PRKN: variants seen among roughly 807,000 people sequenced by gnomAD.
PRKN encodes the protein parkin RBR E3 ubiquitin protein ligase, also known as E3 ubiquitin-protein ligase parkin.
A neutral mutation model predicts 59.5 loss-of-function variants in PRKN; 56 were observed. The ratio of observed to expected loss-of-function variants is 0.94; its 90% CI spans 0.76 to 1.18. The LOEUF is 1.18. Ranked by LOEUF, PRKN falls within the 50% of genes most tolerant of loss-of-function variation. The pLI, the probability that PRKN is intolerant of heterozygous loss-of-function variation, is 0.00. For missense variants in PRKN, 657 were observed against 596.4 expected (o/e 1.10, Z -1.06); for synonymous variants, 250 against 222.1 (o/e 1.13, Z -1.12).
At position 161,454,212 on chromosome 6, in the gene PRKN, G is replaced by A. The variant is rs1789867033; in HGVS notation, c.1084-67335C>T. Among the ~76,000 whole-genome samples the A allele has an allele frequency of 6.6e-6, 1 of 152,128 alleles. No homozygotes were observed. The highest frequency in any genetic ancestry group is 2.4e-5 in the African/African-American group (1 of 41,424). ...CTTGGGTCACAGAACGGCAGCATGG[G>A]TTCTATAGGTCGGGGTGGCATTAGC... On this transcript the variant is annotated intron_variant, in intron 9 of 11. Coordinates refer to ENST00000366898, the MANE Select transcript of PRKN (RefSeq NM_004562.3). This position sits in a 1 kb window ranked among gnomAD's most constrained non-coding sequence, Gnocchi z 4.6.
chr6:162,662,572 T>G (rs1311067062), intron 1 of PRKN, among the ~76,000 whole-genome samples: 1 of 152,184 alleles, frequency 6.6e-6, no homozygotes, highest in Non-Finnish European at 1.5e-5. Flanking sequence ...ATTTAAATCT[T>G]CAATCAACCT....
chr6:162,299,937 C>T (rs1781865805), intron 2 of PRKN, among the ~76,000 whole-genome samples: 1 of 152,138 alleles, frequency 6.6e-6, no homozygotes, highest in South Asian at 2.1e-4. Context: ...TCATTTCATA[C>T]TTATATAAAA....
rs895913408 is a variant in PRKN, at chr6:161,401,900, T to C, written c.1084-15023A>G. On this transcript the variant is annotated intron_variant, in intron 9 of 11. Transcript: ENST00000366898. The surrounding 1 kb of genome is among the most constrained non-coding windows in gnomAD (Gnocchi z 4.4). ...GAGATCCAGAGGTCTGAGATGTTTG[T>C]TCACACACCAATCTCTGGAGCGGAA... Among the ~76,000 whole-genome samples the C allele has an allele frequency of 6.6e-6, 1 of 152,170 alleles. No individual in the cohort carries two copies. The highest frequency in any genetic ancestry group is 2.4e-5 in the African/African-American group (1 of 41,430).
intron 7 of PRKN, among the ~76,000 whole-genome samples, chr6:161,602,864 T>G (rs1272007207): frequency 6.6e-6 from 1 of 152,164 alleles, no homozygotes; most frequent in Admixed American, 6.5e-5. Context: ...ATCCTTGCCC[T>G]CAAAGAGCCC....
intron 6 of PRKN, among the ~76,000 whole-genome samples, chr6:161,959,727 T>C (rs868773818): frequency 1.3e-5 from 2 of 152,178 alleles, no homozygotes; most frequent in South Asian, 4.1e-4. Context: ...ATTTATGACA[T>C]ATATTTCCCG....
intron 2 of PRKN, among the ~76,000 whole-genome samples, chr6:162,301,589 G>T (rs1348750403): frequency 6.6e-6 from 1 of 152,036 alleles, no homozygotes; most frequent in Non-Finnish European, 1.5e-5. Context: ...TTGTCTTGCT[G>T]TGTCCTCACA....
At chr6:162,702,327 T>C (rs572248496) in intron 1 of PRKN, among the ~76,000 whole-genome samples, 3 of 152,254 alleles carry the variant, frequency 2.0e-5, no homozygotes, top group African/African-American at 7.2e-5. Context: ...ATTCCTCTTA[T>C]TTTCAAAAAA....
At chr6:162,274,514 C>G (rs117548539) in intron 2 of PRKN, among the ~76,000 whole-genome samples, 7,689 of 151,938 alleles carry the variant, frequency 0.051, 295 homozygotes, top group Middle Eastern at 0.075. Flanking sequence ...TAAGACATAA[C>G]TAATATATTG....
intron 1 of PRKN, among the ~76,000 whole-genome samples, chr6:162,585,440 A>G (rs955631060): frequency 6.6e-5 from 10 of 152,090 alleles, no homozygotes; most frequent in African/African-American, 2.4e-4. Flanking sequence ...ATTCTGGAAA[A>G]TTCTCTGGCT....
chr6:162,710,538 G>A (rs565805899), intron 1 of PRKN, among the ~76,000 whole-genome samples: 1 of 152,252 alleles, frequency 6.6e-6, no homozygotes, highest in Non-Finnish European at 1.5e-5. Context: ...TTCCCAGTGG[G>A]AAAGGGGAGG....
At chr6:162,523,803 G>A (rs904950494) in intron 1 of PRKN, among the ~76,000 whole-genome samples, 10 of 151,990 alleles carry the variant, frequency 6.6e-5, no homozygotes, top group African/African-American at 2.2e-4. Context: ...GATTGCTTCA[G>A]GCTAGGAGTT....
rs1295806234 is a variant in PRKN at position 161,554,996 on chromosome 6, G to T, written c.934-5993C>A. Among the ~76,000 whole-genome samples the T allele has an allele frequency of 6.6e-6, 1 of 152,016 alleles. No homozygotes were observed. The highest frequency in any genetic ancestry group is 1.5e-5 in the Non-Finnish European group (1 of 67,990). On this transcript the variant is annotated intron_variant, in intron 8 of 11. Coordinates refer to ENST00000366898, the MANE Select transcript of PRKN (RefSeq NM_004562.3). The surrounding 1 kb of genome is among the most constrained non-coding windows in gnomAD (Gnocchi z 4.5). ...GGATCAATTTTCACAAGCATACTGT[G>T]TCAGGAAAGTTGTACTGAATTTAGT... is the stretch of plus-strand genomic sequence containing the variant.
At chr6:161,876,737 A>AT (rs1794746383) in intron 6 of PRKN, among the ~76,000 whole-genome samples, 1 of 151,914 alleles carries the variant, frequency 6.6e-6, no homozygotes, top group Non-Finnish European at 1.5e-5. Context: ...TTCTACTATT[A>AT]TTTTTTCTAT....
rs114323888 is a variant in PRKN, at chr6:162,327,469, T to C, written c.172-64704A>G. Among the ~76,000 whole-genome samples the C allele has an allele frequency of 9.2e-3, 1,399 of 152,270 alleles. 25 individuals are homozygous for C. The highest frequency in any genetic ancestry group is 0.032 in the African/African-American group (1,309 of 41,538). ...TTAAAAAATGTGAGGTCCTTGACAA[T>C]GGTCTTCTCTACAGTTTCAATGTTA... On this transcript the variant is annotated intron_variant, in intron 2 of 11. Transcript: ENST00000366898.
rs1781256669 is a variant in PRKN, at chr6:161,579,447, A to G, written c.872-10031T>C. 6.6e-6 allele frequency among the ~76,000 whole-genome samples: 1 copy of G among 152,198 alleles called. No individual in the cohort carries two copies. ...TTCCAAACAATGTATAGACATGAAC[A>G]TTTATGGAACACTCCCCTGTTTATA... On this transcript the variant is annotated intron_variant, in intron 7 of 11. Coordinates refer to ENST00000366898, the MANE Select transcript of PRKN (RefSeq NM_004562.3). This position sits in a 1 kb window ranked among gnomAD's most constrained non-coding sequence, Gnocchi z 4.2.
chr6:162,122,311 C>A (rs1330491986), intron 4 of PRKN, among the ~76,000 whole-genome samples: 1 of 152,216 alleles, frequency 6.6e-6, no homozygotes, highest in East Asian at 1.9e-4. Context: ...GCAGTGAGTG[C>A]TCAGCATGGA....
Position 161,360,271 on chromosome 6 carries a change from C to T in PRKN, c.1168-66G>A, listed in dbSNP as rs555480305. 50 of 1,257,306 alleles carry T rather than the reference C, an allele frequency of 4.0e-5. No individual in the cohort carries two copies. The highest frequency in any genetic ancestry group is 3.7e-4 in the Middle Eastern group (2 of 5,390). The allele number at this position is 1,257,306 out of a possible 1,614,324, so 77.9% of individuals were successfully genotyped here. ...TATTACTGGGATCAGAGTTTATGTT[C>T]CCTGTACGTCGGTACAGGAAATTCT... On this transcript the variant is annotated intron_variant, in intron 10 of 11. Transcript: ENST00000366898. The surrounding 1 kb of genome is among the most constrained non-coding windows in gnomAD (Gnocchi z 5.1).
In PRKN at chr6:161,733,781, A is replaced by AT. The variant is rs1380552060; in HGVS notation, c.871+51990_871+51991insA. ...AATTCCCAGGGGGTGAAAAAAAAAA[A>AT]AAATATATATATATATGTATATATA... On this transcript the variant is annotated intron_variant, in intron 7 of 11. Transcript: ENST00000366898. Among the ~76,000 whole-genome samples, 255 of 74,038 alleles carry AT rather than the reference A, an allele frequency of 3.4e-3. 2 individuals are homozygous for AT. The highest frequency in any genetic ancestry group is 0.017 in the Middle Eastern group (3 of 176). The allele number at this position is 74,038 out of a possible 152,430, so 48.6% of individuals were successfully genotyped here.
intron 2 of PRKN, among the ~76,000 whole-genome samples, chr6:162,280,915 G>A (rs1050348843): frequency 6.6e-6 from 1 of 151,790 alleles, no homozygotes; most frequent in African/African-American, 2.4e-5. Context: ...TGCAGGAGCT[G>A]TTCACATATA....
Sources: gnomAD v4.1 joint callset for allele counts (sites outside exome capture counted in the v4.1 genomes callset) on GRCh38, gnomAD v4.1.1 for gene constraint, Gnocchi (gnomAD v3.1) non-coding constraint, MANE v1.5 for transcripts, NCBI Gene and HGNC (gene_info 2026-07-23, HGNC 2026-07-21) for gene names.